CRYBG2: variants seen among roughly 807,000 people sequenced by gnomAD.
The protein encoded by CRYBG2 is crystallin beta-gamma domain containing 2.
A neutral mutation model predicts 153.4 loss-of-function variants in CRYBG2; 106 were observed. The ratio of observed to expected loss-of-function variants is 0.69; its 90% CI spans 0.59 to 0.81. The LOEUF is 0.81. Among genes scored for constraint, CRYBG2 ranks in the 30% least tolerant of loss-of-function variants. The probability of loss-of-function intolerance (pLI) is 0.00; values close to 1 mark genes in which losing one functional copy is unlikely to be tolerated. For synonymous variants in CRYBG2, 851 were observed against 877.8 expected (o/e 0.97, Z 0.54); for missense variants, 1,996 against 2,112.0 (o/e 0.95, Z 1.08).
At chr1:26,335,840 C>T (rs971054007) in intron 14 of CRYBG2, among the ~76,000 whole-genome samples, 1 of 152,050 alleles carries the variant, frequency 6.6e-6, no homozygotes, top group African/African-American at 2.4e-5. Context: ...TGAAATTTTA[C>T]GTTGGGTCAG....
chr1:26,327,122 T>G (rs2073934750), intron 17 of CRYBG2: 1 of 308,844 alleles, frequency 3.2e-6, no homozygotes, highest in African/African-American at 2.2e-5. Flanking sequence ...TCACATGAGG[T>G]CAGGAGTTCA....
Position 26,327,948 on chromosome 1 carries a change from C to CAAA in CRYBG2, c.4578+258_4578+260dup, listed in dbSNP as rs71581056. Among the ~76,000 whole-genome samples the CAAA allele has an allele frequency of 1.0e-3, 108 of 105,064 alleles. 2 individuals carry two copies. Among genetic ancestry groups the CAAA allele is most frequent in the Middle Eastern group, 9.0e-3 (2 of 222 alleles). The allele number at this position is 105,064 out of a possible 152,430, so 68.9% of individuals were successfully genotyped here. A position where few individuals can be genotyped will look rare whatever the true frequency, so the allele number is the denominator to read the frequency against. ...TGTGGCAGAGCAAGACTCTGTCACA[C>CAAA]AAAAAAAAAAAAGAAAAAGAAAGAG... On this transcript the variant is annotated intron_variant, in intron 17 of 19. Transcript: ENST00000308182.
Position 26,336,564 on chromosome 1 carries a change from C to A in CRYBG2, c.4038+42G>T, listed in dbSNP as rs2074059063. 1 of 1,541,292 alleles carries A rather than the reference C, an allele frequency of 6.5e-7. No individual in the cohort carries two copies. Among genetic ancestry groups the A allele is most frequent in the South Asian group, 1.2e-5 (1 of 83,342 alleles). On this transcript the variant is annotated intron_variant, in intron 12 of 19. Transcript: ENST00000308182. This position sits in a 1 kb window ranked among gnomAD's most constrained non-coding sequence, Gnocchi z 4.9. ...GGCGGGGCGCACCCGAACTCCAGGT[C>A]CCGCCACCGGGGAGGCCCCGCCCCC...
At chr1:26,340,609 CT>C (rs897354899) in intron 5 of CRYBG2, among the ~76,000 whole-genome samples, 3 of 151,558 alleles carry the variant, frequency 2.0e-5, no homozygotes, top group African/African-American at 4.9e-5. Flanking sequence ...TTTTTTGTTG[CT>C]TTTTTTGTTT....
At chr1:26,334,988 G>A (rs1036361441) in intron 14 of CRYBG2, among the ~76,000 whole-genome samples, 1 of 152,118 alleles carries the variant, frequency 6.6e-6, no homozygotes, top group African/African-American at 2.4e-5. Context: ...ACAGCATTCA[G>A]TGGTTTTTAC....
chr1:26,353,935 G>T (rs1166226072), intron 1 of CRYBG2, 101 bp downstream of exon 1: 1 of 398,832 alleles, frequency 2.5e-6, no homozygotes, highest in Non-Finnish European at 4.4e-6. Context: ...TCAGGGTCCT[G>T]AATGAATGGG....
Position 26,328,270 on chromosome 1 carries a change from A to T in CRYBG2, c.4517T>A (p.Ile1506Asn). 2 of 1,567,512 alleles carry T rather than the reference A, an allele frequency of 1.3e-6. No homozygotes were observed. Among genetic ancestry groups the T allele is most frequent in the Non-Finnish European group, 1.7e-6 (2 of 1,155,932 alleles). ...GCCGCTGTAGGTCAGCCAGTTGGTG[A>T]TCTCGCAGCTTCCCACCAGCCACTG... is the stretch of plus-strand genomic sequence containing the variant. The part of the protein sequence containing the change: ...GRQWLVGSCE[I>N]TNWLTYSGTQ... Residue 1506 changes from isoleucine (I) to asparagine (N), a missense_variant, in exon 17 of 20, where the codon ATC (isoleucine) becomes AAC (asparagine). Ile to Asn is a moderately radical substitution (Grantham distance 149). Transcript: ENST00000308182.
intron 18 of CRYBG2, 44 bp from the exon 19 acceptor site, chr1:26,322,367 G>A: frequency 1.3e-6 from 2 of 1,584,858 alleles, no homozygotes; most frequent in Non-Finnish European, 1.7e-6. Context: ...TCCCCACAGG[G>A]ACTCTACTGT....
In CRYBG2 at chr1:26,343,642, C is replaced by T; in HGVS notation, c.2913+103G>A. The stretch of plus-strand genomic sequence containing the variant: ...TGAACCAGACTTCAGACAGAAGCCT[C>T]TGCCCCCAGACTCTGACTCCCAGCA... On this transcript the variant is annotated intron_variant, in intron 2 of 19. Transcript: ENST00000308182. The surrounding 1 kb of genome is among the most constrained non-coding windows in gnomAD (Gnocchi z 4.1). The T allele has an allele frequency of 2.2e-6, 3 of 1,362,400 alleles. No individual in the cohort carries two copies. The highest frequency in any genetic ancestry group is 1.6e-5 in the South Asian group (1 of 61,180). 84.4% of individuals were successfully genotyped at this position (1,362,400 alleles called of 1,614,324 possible).
Position 26,343,770 on chromosome 1 carries a change from G to T in CRYBG2, c.2888C>A (p.Ala963Asp). The T allele has an allele frequency of 6.9e-7, 1 of 1,448,456 alleles. No individual in the cohort carries two copies. 89.7% of individuals were successfully genotyped at this position (1,448,456 alleles called of 1,614,324 possible). ...CCACCCCTCCAGGGGCAGGGAACAG[G>T]CAAGCTTCTCCGTTGGGGATGATCT... ...SERSSPTEKL[A>D]CSLPLEGWSP... Residue 963 changes from alanine to aspartate, a missense_variant, in exon 2 of 20, where the codon GCC (alanine) becomes GAC (aspartate). Transcript: ENST00000308182. The surrounding 1 kb of genome is among the most constrained non-coding windows in gnomAD (Gnocchi z 4.1).
Position 26,346,754 on chromosome 1 carries a change from A to G in CRYBG2, c.-55-42T>C. The G allele has an allele frequency of 8.3e-6, 11 of 1,330,834 alleles. No homozygotes were observed. The highest frequency in any genetic ancestry group is 1.1e-5 in the Non-Finnish European group (11 of 994,214). The allele number at this position is 1,330,834 out of a possible 1,614,324, so 82.4% of individuals were successfully genotyped here. On this transcript the variant is annotated intron_variant, in intron 1 of 19. Transcript: ENST00000308182. This position sits in a 1 kb window ranked among gnomAD's most constrained non-coding sequence, Gnocchi z 4.9. ...AAGATGAGGGTCAGAGGGTGGTGAG[A>G]GTGGCTTCCTAAAGTGCAGAATAAC... is the stretch of plus-strand genomic sequence containing the variant.
rs2124690815 is a variant in CRYBG2 at position 26,325,071 on chromosome 1, T to C, written c.4579-761A>G. 6.6e-6 allele frequency: 1 copy of C among 152,314 alleles called. No individual in the cohort carries two copies. Among genetic ancestry groups the C allele is most frequent in the East Asian group, 1.9e-4 (1 of 5,184 alleles). The allele number at this position is 152,314 out of a possible 1,614,324, so 9.4% of individuals were successfully genotyped here. A position where few individuals can be genotyped will look rare whatever the true frequency, so the allele number is the denominator to read the frequency against. Reference sequence around the variant, plus strand: ...AAGGAGGTACAGTACTTGCCCAAGATTGCAGAGCAAATCCGTGTCCACTTC... The same window carrying C: ...AAGGAGGTACAGTACTTGCCCAAGACTGCAGAGCAAATCCGTGTCCACTTC... On this transcript the variant is annotated intron_variant, in intron 17 of 19. Transcript: ENST00000308182. The surrounding 1 kb of genome is among the most constrained non-coding windows in gnomAD (Gnocchi z 4.1).
chr1:26,352,670 C>A (rs1311637713), intron 1 of CRYBG2, among the ~76,000 whole-genome samples: 1 of 152,004 alleles, frequency 6.6e-6, no homozygotes, highest in Non-Finnish European at 1.5e-5. Flanking sequence ...TAGCCTCCCA[C>A]CTGAGTCTGT....
rs990122245 is a variant in CRYBG2, at chr1:26,325,974, C to T, written c.4579-1664G>A. Among the ~76,000 whole-genome samples, 3 of 152,104 alleles carry T rather than the reference C, an allele frequency of 2.0e-5. No individual in the cohort carries two copies. Among genetic ancestry groups the T allele is most frequent in the African/African-American group, 7.2e-5 (3 of 41,444 alleles). Reference sequence around the variant, plus strand: ...TGGAGTACCAGTGGAGCCATCATGGCTCACTGTAGCCTCAAACTCCTGGGC... The same window carrying T: ...TGGAGTACCAGTGGAGCCATCATGGTTCACTGTAGCCTCAAACTCCTGGGC... On this transcript the variant is annotated intron_variant, in intron 17 of 19. Coordinates refer to ENST00000308182, the MANE Select transcript of CRYBG2 (RefSeq NM_001039775.4). This position sits in a 1 kb window ranked among gnomAD's most constrained non-coding sequence, Gnocchi z 4.1.
At chr1:26,326,996 T>A in intron 17 of CRYBG2, 1 of 507,824 alleles carries the variant, frequency 2.0e-6, no homozygotes, top group African/African-American at 1.9e-5. Flanking sequence ...AAAATCCTTA[T>A]GAAAGTGTTG....
At chr1:26,347,472 T>G (rs1414552309) in intron 1 of CRYBG2, among the ~76,000 whole-genome samples, 2 of 150,848 alleles carry the variant, frequency 1.3e-5, no homozygotes, top group South Asian at 2.1e-4. Context: ...TTTTATTTAT[T>G]TATTTATTTT....
At chr1:26,347,236 G>A (rs1395903703) in intron 1 of CRYBG2, among the ~76,000 whole-genome samples, 2 of 151,168 alleles carry the variant, frequency 1.3e-5, no homozygotes, top group Non-Finnish European at 2.9e-5. Flanking sequence ...CCACAAAACT[G>A]GAGTCTTGCC....
chr1:26,327,159 C>A, intron 17 of CRYBG2: 1 of 246,622 alleles, frequency 4.1e-6, no homozygotes. Flanking sequence ...CATGATGAAA[C>A]CCCATCTCTA....
rs1442904068 is a variant in CRYBG2 at position 26,346,957 on chromosome 1, G to T, written c.-55-245C>A. On this transcript the variant is annotated intron_variant, in intron 1 of 19. Transcript: ENST00000308182. This position sits in a 1 kb window ranked among gnomAD's most constrained non-coding sequence, Gnocchi z 4.9. ...TCTCCTAGGTCAGGGTCCTTCAAAG[G>T]TGAAGCTGAGGCCTGAGCCCAGAAG... Among the ~76,000 whole-genome samples, 1 of 152,168 alleles carries T rather than the reference G, an allele frequency of 6.6e-6. No individual in the cohort carries two copies. Among genetic ancestry groups the T allele is most frequent in the African/African-American group, 2.4e-5 (1 of 41,432 alleles).
Sources: allele counts gnomAD v4.1 joint callset (sites outside exome capture counted in the v4.1 genomes callset), GRCh38; gene constraint gnomAD v4.1.1; non-coding constraint Gnocchi (gnomAD v3.1); transcripts MANE v1.5; gene names NCBI Gene and HGNC (gene_info 2026-07-23, HGNC 2026-07-21).